CACNA2D1: variants seen among roughly 807,000 people sequenced by gnomAD.
The protein encoded by CACNA2D1 is calcium voltage-gated channel auxiliary subunit alpha2delta 1.
In CACNA2D1, 53 loss-of-function variants were observed where a neutral mutation model predicts 171.5. The observed-to-expected ratio is 0.31, with a 90% CI of 0.25 to 0.39. The LOEUF is 0.39. Ranked by LOEUF, CACNA2D1 falls within the 10% of genes least tolerant of loss-of-function variation. The pLI, the probability that CACNA2D1 is intolerant of heterozygous loss-of-function variation, is 1.00. For missense variants in CACNA2D1, 903 were observed against 1,299.8 expected (o/e 0.69, Z 4.69); for synonymous variants, 442 against 443.1 (o/e 1.00, Z 0.03).
intron 3 of CACNA2D1, among the ~76,000 whole-genome samples, chr7:82,238,941 T>A (rs964765509): frequency 1.3e-5 from 2 of 152,080 alleles, no homozygotes; most frequent in Non-Finnish European, 2.9e-5. Flanking sequence ...TGACCCAAGA[T>A]AGATATGCAA....
intron 3 of CACNA2D1, among the ~76,000 whole-genome samples, chr7:82,333,627 G>A (rs550487885): frequency 3.3e-5 from 5 of 151,718 alleles, no homozygotes; most frequent in South Asian, 4.2e-4. Flanking sequence ...CCCACAACAC[G>A]TGGGAATTAT....
chr7:82,108,910 C>A (rs1788061447), intron 6 of CACNA2D1, among the ~76,000 whole-genome samples: 1 of 152,074 alleles, frequency 6.6e-6, no homozygotes, highest in South Asian at 2.1e-4. Context: ...CCTGCTCGCA[C>A]CTAATGAGAA....
chr7:82,304,979 CGTAA>C (rs1320198427), intron 3 of CACNA2D1, among the ~76,000 whole-genome samples: 8 of 151,882 alleles, frequency 5.3e-5, no homozygotes, highest in African/African-American at 7.3e-5. Flanking sequence ...ATGTGTACAC[CGTAA>C]GTATGTACAC....
At chr7:82,057,075 G>C (rs574501431) in intron 10 of CACNA2D1, among the ~76,000 whole-genome samples, 3 of 152,080 alleles carry the variant, frequency 2.0e-5, no homozygotes, top group African/African-American at 7.2e-5. Flanking sequence ...TTCAAAATGC[G>C]ATATGTATTT....
intron 3 of CACNA2D1, among the ~76,000 whole-genome samples, chr7:82,182,049 T>C (rs1303349894): frequency 2.0e-5 from 3 of 152,190 alleles, no homozygotes; most frequent in African/African-American, 7.2e-5. Context: ...CTTTGAAATG[T>C]ACTGTGTATA....
At chr7:82,389,169 C>A (rs913373626) in intron 1 of CACNA2D1, among the ~76,000 whole-genome samples, 1 of 147,586 alleles carries the variant, frequency 6.8e-6, no homozygotes, top group Non-Finnish European at 1.5e-5. Flanking sequence ...TATATATACA[C>A]ACACACACAT....
chr7:81,997,952 T>G (rs1179592167), intron 18 of CACNA2D1, among the ~76,000 whole-genome samples: 1 of 151,934 alleles, frequency 6.6e-6, no homozygotes, highest in Non-Finnish European at 1.5e-5. Context: ...TCCTATTGCT[T>G]CTTCTTGCTG....
chr7:82,271,371 T>C (rs1290983801), intron 3 of CACNA2D1, among the ~76,000 whole-genome samples: 1 of 152,118 alleles, frequency 6.6e-6, no homozygotes, highest in African/African-American at 2.4e-5. Context: ...ATAAATTCTC[T>C]TGATTCTTTA....
Position 81,950,249 on chromosome 7 carries a change from T to A in CACNA2D1, c.*143A>T. On this transcript the variant is annotated 3_prime_UTR_variant, in exon 39 of 39. Transcript: ENST00000356860. ...GCAGCCAGTGGGTGCCTTAGGAGTC[T>A]GCGCCTTAGTGTTATGCCATGGAAC... is the stretch of plus-strand genomic sequence containing the variant. The A allele has an allele frequency of 6.8e-7, 1 of 1,481,274 alleles. No individual in the cohort carries two copies. The highest frequency in any genetic ancestry group is 9.3e-7 in the Non-Finnish European group (1 of 1,080,064). 91.8% of individuals were successfully genotyped at this position (1,481,274 alleles called of 1,614,324 possible).
intron 3 of CACNA2D1, among the ~76,000 whole-genome samples, chr7:82,310,530 T>C (rs1284075821): frequency 1.3e-5 from 2 of 152,048 alleles, no homozygotes; most frequent in Non-Finnish European, 2.9e-5. Flanking sequence ...TGAGCCTTCA[T>C]ATCAAAAACA....
chr7:82,202,244 G>T (rs552134058), intron 3 of CACNA2D1, among the ~76,000 whole-genome samples: 1 of 152,324 alleles, frequency 6.6e-6, no homozygotes, highest in Non-Finnish European at 1.5e-5. Context: ...GGCGCCCAGA[G>T]AAAGAGTAAA....
chr7:82,220,935 T>C lies in CACNA2D1; in HGVS notation c.295-50326A>G, dbSNP rs539502989. On this transcript the variant is annotated intron_variant, in intron 3 of 38. Transcript: ENST00000356860. ...CTGGGACTATAGGCGCGTGCCACCA[T>C]GCCCGGCTATTTGTATTTTTAGTAG... Among the ~76,000 whole-genome samples, 84 of 152,146 alleles carry C rather than the reference T, an allele frequency of 5.5e-4. No individual in the cohort carries two copies. The South Asian group carries it at 7.3e-3, about 13-fold the overall frequency.
At chr7:81,969,609 G>A (rs2130415291) in intron 28 of CACNA2D1, among the ~76,000 whole-genome samples, 1 of 151,128 alleles carries the variant, frequency 6.6e-6, no homozygotes, top group Non-Finnish European at 1.5e-5. Context: ...TAATATGAGG[G>A]ATTATCTACA....
rs1386628422 is a variant in CACNA2D1 at position 82,070,060 on chromosome 7, A to G, written c.659-3536T>C. Among the ~76,000 whole-genome samples, 3 of 152,244 alleles carry G rather than the reference A, an allele frequency of 2.0e-5. No individual in the cohort carries two copies. In the East Asian group the frequency reaches 5.8e-4, roughly 30 times the overall value. ...CAATTGGGACTATTTTCAAGCCCAA[A>G]TTATTTCACTAAATGTGTACTGCAT... On this transcript the variant is annotated intron_variant, in intron 7 of 38. Coordinates refer to ENST00000356860, the MANE Select transcript of CACNA2D1 (RefSeq NM_000722.4).
intron 3 of CACNA2D1, among the ~76,000 whole-genome samples, chr7:82,328,489 A>T (rs920547954): frequency 6.6e-6 from 1 of 152,154 alleles, no homozygotes; most frequent in African/African-American, 2.4e-5. Flanking sequence ...CCAAATCTTC[A>T]ACAAAAACTG....
chr7:82,077,543 AT>A, intron 7 of CACNA2D1, among the ~76,000 whole-genome samples: 1 of 152,264 alleles, frequency 6.6e-6, no homozygotes, highest in Non-Finnish European at 1.5e-5. Flanking sequence ...GTTAACTCTG[AT>A]TGACATGAGT....
At chr7:82,172,944 T>C (rs1796193912) in intron 3 of CACNA2D1, among the ~76,000 whole-genome samples, 1 of 151,986 alleles carries the variant, frequency 6.6e-6, no homozygotes, top group East Asian at 1.9e-4. Context: ...TAGAGAAGAA[T>C]ATTAAGTTTT....
intron 1 of CACNA2D1, among the ~76,000 whole-genome samples, chr7:82,367,416 A>G (rs1179220158): frequency 6.6e-6 from 1 of 151,944 alleles, no homozygotes; most frequent in Non-Finnish European, 1.5e-5. Context: ...TCCTTTAAGC[A>G]CCAGGTCAAA....
At chr7:82,133,915 T>A (rs779693517) in intron 5 of CACNA2D1, among the ~76,000 whole-genome samples, 7 of 151,632 alleles carry the variant, frequency 4.6e-5, no homozygotes, top group Admixed American at 6.6e-5. Context: ...TACTAAAAAA[T>A]ACAAAAAATT....
Sources: gnomAD v4.1 joint callset for allele counts (sites outside exome capture counted in the v4.1 genomes callset) on GRCh38, gnomAD v4.1.1 for gene constraint, MANE v1.5 for transcripts, NCBI Gene and HGNC (gene_info 2026-07-23, HGNC 2026-07-21) for gene names.